PPIP5K1: variants seen among roughly 807,000 people sequenced by gnomAD.
PPIP5K1 encodes the protein inositol hexakisphosphate and diphosphoinositol-pentakisphosphate kinase 1.
In PPIP5K1, 6 loss-of-function variants were observed where a neutral mutation model predicts 27.7. The ratio of observed to expected loss-of-function variants is 0.22; its 90% CI spans 0.12 to 0.43. The LOEUF (loss-of-function observed/expected upper bound fraction) is 0.43. Among genes scored for constraint, PPIP5K1 ranks in the 20% least tolerant of loss-of-function variants. The probability of loss-of-function intolerance (pLI) is 1.00; values close to 1 mark genes in which losing one functional copy is unlikely to be tolerated. For synonymous variants in PPIP5K1, 145 were observed against 242.6 expected, an observed-to-expected ratio of 0.60 and a Z score of 3.74; for missense variants, 394 against 635.4, an observed-to-expected ratio of 0.62 and a Z score of 4.08.
chr15:43,550,703 C>T (rs952177137), intron 30 of PPIP5K1, among the ~76,000 whole-genome samples: 1 of 152,136 alleles, frequency 6.6e-6, no homozygotes. Context: ...GAGGGAAAGC[C>T]TTCAGTGTTA....
chr15:43,536,052 T>A, intron 31 of PPIP5K1: 1 of 1,253,386 alleles, frequency 8.0e-7, no homozygotes, highest in Non-Finnish European at 1.0e-6. Flanking sequence ...GAGGTAATCA[T>A]TATTTATAGC....
intron 30 of PPIP5K1, among the ~76,000 whole-genome samples, chr15:43,543,924 C>A (rs1277938407): frequency 2.0e-5 from 3 of 151,830 alleles, no homozygotes; most frequent in African/African-American, 7.2e-5. Flanking sequence ...TTTGTCCCAC[C>A]AAAGAACTGA....
intron 29 of PPIP5K1, among the ~76,000 whole-genome samples, chr15:43,559,467 GA>G (rs1241978760): frequency 6.6e-6 from 1 of 152,182 alleles, no homozygotes; most frequent in Admixed American, 6.5e-5. Flanking sequence ...ATGCAAACTG[GA>G]GGGCATGCAA....
chr15:43,546,598 T>C (rs1444700593), intron 30 of PPIP5K1, among the ~76,000 whole-genome samples: 1 of 151,414 alleles, frequency 6.6e-6, no homozygotes, highest in African/African-American at 2.4e-5. Flanking sequence ...GCTTTGATTA[T>C]TGTGAATAGT....
At chr15:43,579,461 G>C (rs1486056740) in intron 10 of PPIP5K1, among the ~76,000 whole-genome samples, 1 of 106,362 alleles carries the variant, frequency 9.4e-6, no homozygotes, top group Non-Finnish European at 1.6e-5. Context: ...TACAGTTTGT[G>C]TATATACACA....
chr15:43,539,612 G>A (rs1175875665), intron 30 of PPIP5K1, 29 bp from the exon 31 acceptor site: 17 of 1,409,782 alleles, frequency 1.2e-5, no homozygotes, highest in Admixed American at 1.2e-4. Flanking sequence ...GAAGGGAGAG[G>A]GAAGAAAAAA....
At chr15:43,537,777 A>G (rs2080108153) in intron 31 of PPIP5K1, among the ~76,000 whole-genome samples, 1 of 150,326 alleles carries the variant, frequency 6.7e-6, no homozygotes, top group Non-Finnish European at 1.5e-5. Flanking sequence ...TGTGGAGCCT[A>G]TTTCTGATGC....
chr15:43,544,663 G>A (rs1048258455), intron 30 of PPIP5K1, among the ~76,000 whole-genome samples: 3 of 152,056 alleles, frequency 2.0e-5, no homozygotes, highest in Admixed American at 2.0e-4. Context: ...GGGCATGGTG[G>A]CACATGCCTG....
intron 29 of PPIP5K1, among the ~76,000 whole-genome samples, chr15:43,559,529 T>A (rs1567074973): frequency 6.6e-6 from 1 of 152,200 alleles, no homozygotes; most frequent in Non-Finnish European, 1.5e-5. Flanking sequence ...AGGATGGGGA[T>A]GGGAGTTCTT....
chr15:43,550,432 C>A lies in PPIP5K1; in HGVS notation c.3556+8363G>T, dbSNP rs116283116. ...AAATGCTGGGAACACAGGCGTGAGC[C>A]ACTGCGCCCAGTCTGAGTTCATCCT... On this transcript the variant is annotated intron_variant, in intron 30 of 31. Coordinates refer to ENST00000420765, the MANE Select transcript of PPIP5K1 (RefSeq NM_001394395.1). 3.8e-3 allele frequency among the ~76,000 whole-genome samples: 578 copies of A among 152,294 alleles called. 5 individuals are homozygous for A. The highest frequency in any genetic ancestry group is 0.013 in the African/African-American group (556 of 41,564).
intron 10 of PPIP5K1, among the ~76,000 whole-genome samples, chr15:43,579,598 C>CGTGTGTGT (rs1168161790): frequency 0.012 from 363 of 29,886 alleles, 12 homozygotes; most frequent in Non-Finnish European, 0.015. Flanking sequence ...TATATGTGTA[C>CGTGTGTGT]GTGTGTGTGT....
intron 30 of PPIP5K1, among the ~76,000 whole-genome samples, chr15:43,553,937 G>A (rs201516252): frequency 6.6e-6 from 1 of 152,092 alleles, no homozygotes; most frequent in East Asian, 1.9e-4. Flanking sequence ...GAGCCACCTC[G>A]CCTGGCCACT....
chr15:43,543,869 T>G (rs1263479323), intron 30 of PPIP5K1, among the ~76,000 whole-genome samples: 1 of 151,710 alleles, frequency 6.6e-6, no homozygotes, highest in Non-Finnish European at 1.5e-5. Flanking sequence ...TCAATATCAC[T>G]ATTAACAATT....
intron 29 of PPIP5K1, 142 bp from the exon 30 acceptor site, chr15:43,559,074 G>A (rs777011126): frequency 4.0e-5 from 38 of 959,786 alleles, no homozygotes; most frequent in Admixed American, 9.6e-5. Context: ...TCTTAGGAGA[G>A]GGAACTCTTT....
At chr15:43,553,375 T>G (rs2082484729) in intron 30 of PPIP5K1, among the ~76,000 whole-genome samples, 1 of 152,032 alleles carries the variant, frequency 6.6e-6, no homozygotes. Context: ...GATCTCACTC[T>G]GTCACCCAGG....
intron 30 of PPIP5K1, among the ~76,000 whole-genome samples, chr15:43,552,228 TA>T (rs1323996985): frequency 2.6e-5 from 4 of 152,214 alleles, no homozygotes; most frequent in Non-Finnish European, 4.4e-5. Flanking sequence ...GTGTTGAGAT[TA>T]CAAATGTGAG....
In PPIP5K1 at chr15:43,534,563, G is replaced by C; in HGVS notation, c.*111C>G. 1 of 950,672 alleles carries C rather than the reference G, an allele frequency of 1.1e-6. No individual in the cohort carries two copies. The highest frequency in any genetic ancestry group is 2.5e-5 in the East Asian group (1 of 39,916). The allele number at this position is 950,672 out of a possible 1,614,324, so 58.9% of individuals were successfully genotyped here. ...TTGCTGGTGGAAGGGGTGAGTGCTG[G>C]TCATGGGCTAGAGACTGGCTCTGAG... On this transcript the variant is annotated 3_prime_UTR_variant, in exon 32 of 32. Transcript: ENST00000420765.
intron 30 of PPIP5K1, among the ~76,000 whole-genome samples, chr15:43,554,710 G>C (rs1025201436): frequency 6.6e-6 from 1 of 151,476 alleles, no homozygotes; most frequent in African/African-American, 2.4e-5. Context: ...AAAACAACAT[G>C]AGAGAATATT....
In PPIP5K1 at chr15:43,558,946, G is replaced by C; in HGVS notation, c.3419-14C>G. Reference sequence around the variant, plus strand: ...ACCCTTCAAACCCTGTTTGAAAAGAGATGGGCAAAGTCAATGTTACTCCTG... The same window carrying C: ...ACCCTTCAAACCCTGTTTGAAAAGACATGGGCAAAGTCAATGTTACTCCTG... On this transcript the variant is annotated splice_polypyrimidine_tract_variant and intron_variant, in intron 29 of 31. Coordinates refer to ENST00000420765, the MANE Select transcript of PPIP5K1 (RefSeq NM_001394395.1). 3.1e-6 allele frequency: 5 copies of C among 1,612,432 alleles called. No homozygotes were observed. Among genetic ancestry groups the C allele is most frequent in the Non-Finnish European group, 4.2e-6 (5 of 1,179,890 alleles).
Sources: gnomAD v4.1 joint callset for allele counts (sites outside exome capture counted in the v4.1 genomes callset) on GRCh38, gnomAD v4.1.1 for gene constraint, MANE v1.5 for transcripts, NCBI Gene and HGNC (gene_info 2026-07-23, HGNC 2026-07-21) for gene names.